Variants in GUCY2C observed in about 807,000 individuals in gnomAD.
The protein encoded by GUCY2C is guanylate cyclase 2C, also known as guanylyl cyclase C.
In GUCY2C, 118 loss-of-function variants were observed where a neutral mutation model predicts 131.1. That is an observed-to-expected ratio of 0.90 (90% CI 0.78 to 1.05). The LOEUF (loss-of-function observed/expected upper bound fraction) is 1.05, where lower values mean the gene tolerates loss of function less well. Ranked by LOEUF, GUCY2C falls within the 50% of genes least tolerant of loss-of-function variation. The pLI is 0.00. For synonymous variants in GUCY2C, 452 were observed against 457.8 expected, an observed-to-expected ratio of 0.99 and a Z score of 0.16; for missense variants, 1,161 against 1,304.4, an observed-to-expected ratio of 0.89 and a Z score of 1.69.
chr12:14,633,703 G>T (rs1275572283), intron 19 of GUCY2C, among the ~76,000 whole-genome samples: 1 of 151,040 alleles, frequency 6.6e-6, no homozygotes, highest in Non-Finnish European at 1.5e-5. Context: ...ATTTACCAAA[G>T]AAATAGATAC....
chr12:14,643,927 A>G (rs1349119239), intron 16 of GUCY2C, among the ~76,000 whole-genome samples: 2 of 152,206 alleles, frequency 1.3e-5, no homozygotes, highest in Non-Finnish European at 2.9e-5. Flanking sequence ...GACAGAGTAA[A>G]AGGGAATTGT....
intron 13 of GUCY2C, 125 bp downstream of exon 13, chr12:14,652,827 T>C: frequency 1.3e-6 from 1 of 744,628 alleles, no homozygotes; most frequent in Non-Finnish European, 2.5e-6. Flanking sequence ...GCTCTAAGAA[T>C]AGCCCCTAGG....
At chr12:14,661,439 G>A (rs889982011) in intron 10 of GUCY2C, among the ~76,000 whole-genome samples, 1 of 152,026 alleles carries the variant, frequency 6.6e-6, no homozygotes, top group Non-Finnish European at 1.5e-5. Flanking sequence ...GATGAGACAT[G>A]TATTTTTTTT....
chr12:14,634,056 A>G (rs1465788084), intron 19 of GUCY2C, among the ~76,000 whole-genome samples: 1 of 152,194 alleles, frequency 6.6e-6, no homozygotes, highest in Non-Finnish European at 1.5e-5. Flanking sequence ...CCAAATACAT[A>G]TAATTAAAAA....
rs1334032581 is a variant in GUCY2C at position 14,619,226 on chromosome 12, C to T, written c.2860G>A (p.Glu954Lys). Residue 954 changes from glutamate to lysine, a missense_variant, in exon 24 of 27, where the codon GAA becomes AAA. By Grantham distance (56) the Glu-to-Lys change is moderately conservative. Transcript: ENST00000261170. ...CCCTTCTTACGGAGGCCAGTGGATT[C>T]CATCCTAGAGGCTGTGTTGACCGTA... ...GDTVNTASRMESTGLPLRIHV... is the reference protein window; with the variant it reads ...GDTVNTASRMKSTGLPLRIHV... The T allele has an allele frequency of 4.4e-6, 7 of 1,604,454 alleles. No homozygotes were observed. Among genetic ancestry groups the T allele is most frequent in the Non-Finnish European group, 5.1e-6 (6 of 1,171,496 alleles).
chr12:14,631,887 C>A (rs1399706994), intron 19 of GUCY2C, among the ~76,000 whole-genome samples: 1 of 150,536 alleles, frequency 6.6e-6, no homozygotes, highest in South Asian at 2.1e-4. Context: ...TCCTCTCCAG[C>A]ACCTGTTGTT....
chr12:14,696,583 G>C lies in GUCY2C; in HGVS notation c.-135C>G. The C allele has an allele frequency of 1.5e-6, 1 of 659,366 alleles. No homozygotes were observed. The highest frequency in any genetic ancestry group is 1.8e-5 in the South Asian group (1 of 55,522). 40.8% of individuals were successfully genotyped at this position (659,366 alleles called of 1,614,324 possible). ...CCACTCTTCCCCACGCTTCTCTCTG[G>C]TCATGCCCAACTGGTCACATGGGCC... is the stretch of plus-strand genomic sequence containing the variant. On this transcript the variant is annotated 5_prime_UTR_variant, in exon 1 of 27. Coordinates refer to ENST00000261170, the MANE Select transcript of GUCY2C (RefSeq NM_004963.4).
intron 10 of GUCY2C, among the ~76,000 whole-genome samples, chr12:14,666,660 G>A (rs1169167508): frequency 2.0e-5 from 3 of 151,468 alleles, no homozygotes; most frequent in Non-Finnish European, 4.4e-5. Flanking sequence ...GCTTGAATCC[G>A]GGAGGCAGAG....
At chr12:14,649,906 A>AT (rs907515602) in intron 15 of GUCY2C, among the ~76,000 whole-genome samples, 23 of 152,094 alleles carry the variant, frequency 1.5e-4, no homozygotes, top group Admixed American at 4.6e-4. Flanking sequence ...TTAAATATTT[A>AT]TTTTTTTGAA....
chr12:14,642,642 C>T (rs1166474791), intron 17 of GUCY2C, among the ~76,000 whole-genome samples: 1 of 152,002 alleles, frequency 6.6e-6, no homozygotes. Context: ...GTAACTGATG[C>T]CATAGGTAGG....
rs756919611 is a variant in GUCY2C at position 14,696,466 on chromosome 12, A to G, written c.-18T>C. The G allele has an allele frequency of 6.3e-7, 1 of 1,595,594 alleles. No individual in the cohort carries two copies. Among genetic ancestry groups the G allele is most frequent in the South Asian group, 1.1e-5 (1 of 90,670 alleles). The stretch of plus-strand genomic sequence containing the variant: ...GTCTTCATGACCCCAATCACGTTAG[A>G]ACCATACTCCTTGTGCCCACTTGCT... On this transcript the variant is annotated 5_prime_UTR_variant, in exon 1 of 27. Coordinates refer to ENST00000261170, the MANE Select transcript of GUCY2C (RefSeq NM_004963.4).
rs1946844444 is a variant in GUCY2C, at chr12:14,619,243, T to TCCAA, written c.2842_2843insTTGG (p.Asn948IlefsTer6). On this transcript the variant is annotated frameshift_variant, in exon 24 of 27. Transcript: ENST00000261170. LOFTEE classifies it high-confidence loss of function. ...AGTGGATTCCATCCTAGAGGCTGTGTTGACCGTATCTCCAAATAGACAATA... is the reference window on the plus strand; with the variant it reads ...AGTGGATTCCATCCTAGAGGCTGTGTCCAATGACCGTATCTCCAAATAGACAATA... 1 of 1,611,450 alleles carries TCCAA rather than the reference T, an allele frequency of 6.2e-7. No homozygotes were observed. Among genetic ancestry groups the TCCAA allele is most frequent in the African/African-American group, 1.3e-5 (1 of 74,870 alleles).
rs374300588 is a variant in GUCY2C, at chr12:14,688,579, T to C, written c.218-516A>G. ...GGAGGCTGCAGTCTTCCTTGGTCTC[T>C]GATCTTTATCTATCCAGTCAACAAA... On this transcript the variant is annotated intron_variant, in intron 1 of 26. Transcript: ENST00000261170. Among the ~76,000 whole-genome samples the C allele has an allele frequency of 2.3e-4, 35 of 152,358 alleles. 1 individual carries two copies. The highest frequency in any genetic ancestry group is 8.4e-4 in the African/African-American group (35 of 41,590).
At chr12:14,659,834 G>A (rs1427455325) in intron 11 of GUCY2C, among the ~76,000 whole-genome samples, 1 of 152,218 alleles carries the variant, frequency 6.6e-6, no homozygotes, top group South Asian at 2.1e-4. Context: ...CATGGGCATA[G>A]CATTGCACTG....
intron 8 of GUCY2C, 110 bp downstream of exon 8, chr12:14,674,515 G>A (rs1948184739): frequency 1.1e-6 from 1 of 934,892 alleles, no homozygotes. Context: ...GAGTTCAAAG[G>A]GATTTAGCTG....
intron 6 of GUCY2C, 21 bp from the exon 7 acceptor site, chr12:14,676,992 T>G (rs1948247645): frequency 2.2e-6 from 2 of 890,196 alleles, no homozygotes; most frequent in Admixed American, 4.6e-5. Context: ...AAGCACAGGT[T>G]CCTCATGAAA....
At chr12:14,679,947 C>T (rs1055282631) in intron 5 of GUCY2C, among the ~76,000 whole-genome samples, 194 bp from the exon 6 acceptor site, 1 of 150,016 alleles carries the variant, frequency 6.7e-6, no homozygotes, top group Non-Finnish European at 1.5e-5. Context: ...TGAATGGGAT[C>T]TTTTTTAAAA....
intron 24 of GUCY2C, among the ~76,000 whole-genome samples, chr12:14,617,461 TTGGG>T: frequency 6.6e-6 from 1 of 152,276 alleles, no homozygotes; most frequent in Non-Finnish European, 1.5e-5. Flanking sequence ...AGTGCCAAGC[TTGGG>T]TGTTGGAGTT....
intron 15 of GUCY2C, among the ~76,000 whole-genome samples, chr12:14,647,425 C>A (rs1231954725): frequency 6.6e-6 from 1 of 152,148 alleles, no homozygotes; most frequent in Non-Finnish European, 1.5e-5. Context: ...TATACATTTT[C>A]AATGTGAATT....
Sources: allele counts gnomAD v4.1 joint callset (sites outside exome capture counted in the v4.1 genomes callset), GRCh38; gene constraint gnomAD v4.1.1; transcripts MANE v1.5; gene names NCBI Gene and HGNC (gene_info 2026-07-23, HGNC 2026-07-21).